The following DPP10 variants were observed in gnomAD, a reference collection of about 807,000 sequenced individuals.
DPP10 encodes dipeptidyl peptidase like 10.
A neutral mutation model predicts 120.9 loss-of-function variants in DPP10; 33 were observed. That is an observed-to-expected ratio of 0.27 (90% CI 0.21 to 0.37). DPP10 has a LOEUF of 0.37. DPP10 is among the 10% of genes least tolerant of loss of function. The pLI, the probability that DPP10 is intolerant of heterozygous loss-of-function variation, is 1.00. For synonymous variants in DPP10, 337 were observed against 326.1 expected, an observed-to-expected ratio of 1.03 and a Z score of -0.36; for missense variants, 816 against 942.8, an observed-to-expected ratio of 0.87 and a Z score of 1.76.
chr2:115,489,420 G>A (rs1266555281), intron 3 of DPP10, among the ~76,000 whole-genome samples: 2 of 151,864 alleles, frequency 1.3e-5, no homozygotes, highest in Non-Finnish European at 2.9e-5. Flanking sequence ...GTGATGGGAA[G>A]GGATGTTGAA....
intron 3 of DPP10, among the ~76,000 whole-genome samples, chr2:115,484,918 A>C (rs1281562890): frequency 1.3e-5 from 2 of 152,122 alleles, no homozygotes; most frequent in South Asian, 2.1e-4. Flanking sequence ...TCTTCTAAAA[A>C]CATTAACTTG....
intron 2 of DPP10, among the ~76,000 whole-genome samples, chr2:115,322,138 T>C (rs1158044426): frequency 6.6e-6 from 1 of 152,186 alleles, no homozygotes; most frequent in Non-Finnish European, 1.5e-5. Context: ...ACATCTTGAA[T>C]ATTACAGTTT....
intron 1 of DPP10, among the ~76,000 whole-genome samples, chr2:115,278,667 A>T (rs1195846193): frequency 6.6e-6 from 1 of 152,050 alleles, no homozygotes; most frequent in Non-Finnish European, 1.5e-5. Context: ...GGTGGGTGAT[A>T]TGCCAGGCTA....
intron 1 of DPP10, among the ~76,000 whole-genome samples, chr2:114,990,135 G>T (rs547723641): frequency 1.3e-5 from 2 of 152,196 alleles, no homozygotes; most frequent in East Asian, 3.9e-4. Flanking sequence ...TTATGCCAAA[G>T]CTAATTAATG....
chr2:115,234,931 A>C (rs986049025), intron 1 of DPP10, among the ~76,000 whole-genome samples: 1 of 152,168 alleles, frequency 6.6e-6, no homozygotes, highest in African/African-American at 2.4e-5. Flanking sequence ...TTCAAAGTCT[A>C]AACTGGGACC....
chr2:114,859,600 A>T (rs1279633357), intron 1 of DPP10, among the ~76,000 whole-genome samples: 2 of 152,188 alleles, frequency 1.3e-5, no homozygotes, highest in East Asian at 3.9e-4. Context: ...TTGAAATGGG[A>T]CTCACATTTT....
chr2:114,601,666 G>C (rs777516163), intron 1 of DPP10, among the ~76,000 whole-genome samples: 2 of 151,910 alleles, frequency 1.3e-5, no homozygotes, highest in South Asian at 2.1e-4. Context: ...TTGAAACTTC[G>C]TGAAGCTTGG....
chr2:114,894,495 T>A (rs1032610503), intron 1 of DPP10, among the ~76,000 whole-genome samples: 11 of 152,194 alleles, frequency 7.2e-5, no homozygotes, highest in Non-Finnish European at 1.6e-4. Context: ...TCGCTAAACC[T>A]CAGTCCACTC....
At chr2:115,222,773 G>T (rs909342008) in intron 1 of DPP10, among the ~76,000 whole-genome samples, 1 of 151,556 alleles carries the variant, frequency 6.6e-6, no homozygotes, top group Admixed American at 6.6e-5. Context: ...TAATTAATTT[G>T]CCCAAATTTG....
chr2:115,410,874 C>G (rs1482393658), intron 3 of DPP10, among the ~76,000 whole-genome samples: 2 of 152,084 alleles, frequency 1.3e-5, no homozygotes, highest in Non-Finnish European at 2.9e-5. Flanking sequence ...TTTAATAGTT[C>G]TATATCACTT....
At chr2:115,445,607 G>C (rs1307244722) in intron 3 of DPP10, among the ~76,000 whole-genome samples, 1 of 152,168 alleles carries the variant, frequency 6.6e-6, no homozygotes, top group African/African-American at 2.4e-5. Flanking sequence ...GTAGAACTTT[G>C]AACTTGAAAG....
chr2:114,923,792 A>T (rs1160813108), intron 1 of DPP10, among the ~76,000 whole-genome samples: 1 of 152,152 alleles, frequency 6.6e-6, no homozygotes, highest in East Asian at 1.9e-4. Flanking sequence ...TGGTGTACTC[A>T]ATAGCAAAAT....
At chr2:115,215,776 A>G (rs1322149713) in intron 1 of DPP10, among the ~76,000 whole-genome samples, 1 of 152,186 alleles carries the variant, frequency 6.6e-6, no homozygotes, top group African/African-American at 2.4e-5. Context: ...CCCCCACAGA[A>G]CTAATATGAT....
chr2:115,306,028 GTTATT>G (rs751701074), intron 1 of DPP10, among the ~76,000 whole-genome samples: 37 of 151,842 alleles, frequency 2.4e-4, no homozygotes, highest in Non-Finnish European at 3.2e-4. Flanking sequence ...TTTTTTATGA[GTTATT>G]TTATTTTAAT....
chr2:115,485,203 C>A, intron 3 of DPP10, among the ~76,000 whole-genome samples: 1 of 140,694 alleles, frequency 7.1e-6, no homozygotes, highest in Non-Finnish European at 1.5e-5. Flanking sequence ...TTTTCTTAAT[C>A]ATCTGAATTT....
At chr2:115,651,601 C>T (rs531085393) in intron 5 of DPP10, among the ~76,000 whole-genome samples, 85 of 151,992 alleles carry the variant, frequency 5.6e-4, no homozygotes, top group African/African-American at 1.8e-3. Context: ...AAAAAGAATG[C>T]GCAGGAGGAG....
At chr2:115,494,925 C>T (rs935967149) in intron 3 of DPP10, among the ~76,000 whole-genome samples, 3 of 152,040 alleles carry the variant, frequency 2.0e-5, no homozygotes, top group Non-Finnish European at 4.4e-5. Context: ...ACTAGATTAT[C>T]ACGTCAAAAT....
intron 1 of DPP10, among the ~76,000 whole-genome samples, chr2:114,593,160 TTAAAAGGACAG>T (rs1306553774): frequency 2.0e-5 from 3 of 151,940 alleles, no homozygotes; most frequent in Admixed American, 2.0e-4. Context: ...TCAAATAAGT[TTAAAAGGACAG>T]TAAAAGGACG....
intron 1 of DPP10, among the ~76,000 whole-genome samples, chr2:114,799,044 G>A (rs937577947): frequency 6.6e-6 from 1 of 152,104 alleles, no homozygotes; most frequent in East Asian, 1.9e-4. Context: ...CAAGAGAATC[G>A]CTTGAACCTG....
Sources: gnomAD v4.1 joint callset for allele counts (sites outside exome capture counted in the v4.1 genomes callset) on GRCh38, gnomAD v4.1.1 for gene constraint, MANE v1.5 for transcripts, NCBI Gene and HGNC (gene_info 2026-07-23, HGNC 2026-07-21) for gene names.